TSPEAR: variants seen among roughly 807,000 people sequenced by gnomAD.
TSPEAR encodes thrombospondin-type laminin G domain and EAR repeat-containing protein.
A neutral mutation model predicts 71.6 loss-of-function variants in TSPEAR; 69 were observed. The observed-to-expected ratio is 0.96, with a 90% confidence interval of 0.79 to 1.18. TSPEAR has a LOEUF of 1.18. Ranked by LOEUF, TSPEAR falls within the 50% of genes most tolerant of loss-of-function variation. The probability of loss-of-function intolerance (pLI) is 0.00; values close to 1 mark genes in which losing one functional copy is unlikely to be tolerated. For synonymous variants in TSPEAR, 402 were observed against 387.2 expected (o/e 1.04, Z -0.45); for missense variants, 971 against 894.9 (o/e 1.09, Z -1.09).
In TSPEAR at chr21:44,517,789, T is replaced by C. The variant is rs1410018723; in HGVS notation, c.1566+4094A>G. ...CCTCCTACCTCCTGATATCCAGGGC[T>C]GCCGATGGGAAATCCCAGGCTGCCG... is the stretch of plus-strand genomic sequence containing the variant. On this transcript the variant is annotated intron_variant, in intron 9 of 11. Transcript: ENST00000323084. 9 of 471,122 alleles carry C rather than the reference T, an allele frequency of 1.9e-5. No homozygotes were observed. In the Admixed American group the frequency reaches 2.1e-4, roughly 11 times the overall value. The allele number at this position is 471,122 out of a possible 1,614,324, so 29.2% of individuals were successfully genotyped here.
intron 2 of TSPEAR, chr21:44,540,283 C>T: frequency 7.0e-7 from 1 of 1,438,688 alleles, no homozygotes; most frequent in Non-Finnish European, 9.4e-7. Flanking sequence ...CCCTTCTGGC[C>T]TTGTTGTTCC....
rs775713559 is a variant in TSPEAR at position 44,572,352 on chromosome 21, C to T, written c.83-4347G>A. 1.1e-4 allele frequency among the ~76,000 whole-genome samples: 17 copies of T among 152,298 alleles called. 1 individual carries two copies. Among genetic ancestry groups the T allele is most frequent in the Admixed American group, 5.2e-4 (8 of 15,298 alleles). On this transcript the variant is annotated intron_variant, in intron 1 of 11. Transcript: ENST00000323084. ...TCCTGGCTGAGAAGAAACAGAGCAGCGCTGCTTTCTCAGAGCTGGGAACCA... is the reference window on the plus strand; with the variant it reads ...TCCTGGCTGAGAAGAAACAGAGCAGTGCTGCTTTCTCAGAGCTGGGAACCA...
rs1381074249 is a variant in TSPEAR, at chr21:44,520,878, G to A, written c.1566+1005C>T. On this transcript the variant is annotated intron_variant, in intron 9 of 11. Coordinates refer to ENST00000323084, the MANE Select transcript of TSPEAR (RefSeq NM_144991.3). This position sits in a 1 kb window ranked among gnomAD's most constrained non-coding sequence, Gnocchi z 4.2. The stretch of plus-strand genomic sequence containing the variant: ...AGGGGTAGCCTGGCAAGGCCTGACT[G>A]TTGTCACTGTTTTTCCAGACTCCCT... 2 of 152,332 alleles carry A rather than the reference G, an allele frequency of 1.3e-5. No individual in the cohort carries two copies. The highest frequency in any genetic ancestry group is 2.4e-5 in the African/African-American group (1 of 41,470). The allele number at this position is 152,332 out of a possible 1,614,324, so 9.4% of individuals were successfully genotyped here. A position where few individuals can be genotyped will look rare whatever the true frequency, so the allele number is the denominator to read the frequency against.
At position 44,681,705 on chromosome 21, in the gene TSPEAR, A is replaced by C. The variant is rs1601560341; in HGVS notation, c.82+29728T>G. The stretch of plus-strand genomic sequence containing the variant: ...TCATTCTATTATATTCTCGATCCAG[A>C]ATTCAGAGGGTTCACTGAGCATGCT... On this transcript the variant is annotated intron_variant, in intron 1 of 11. Transcript: ENST00000323084. The C allele has an allele frequency of 3.2e-6, 4 of 1,245,744 alleles. No homozygotes were observed. In the East Asian group the frequency reaches 9.4e-5, roughly 29 times the overall value. The allele number at this position is 1,245,744 out of a possible 1,614,324, so 77.2% of individuals were successfully genotyped here.
intron 1 of TSPEAR, among the ~76,000 whole-genome samples, chr21:44,669,251 C>T (rs113694163): frequency 2.2e-4 from 34 of 152,194 alleles, no homozygotes; most frequent in African/African-American, 6.5e-4. Context: ...GGTGCAACCC[C>T]GCCTCTACTA....
rs1244280588 is a variant in TSPEAR at position 44,632,375 on chromosome 21, GA to G, written c.83-64371del. ...GAAAGAGAAAAAAACTGTCCACCAA[GA>G]AGTCTGTGTCCAATGAAATGATTCT... On this transcript the variant is annotated intron_variant, in intron 1 of 11. Transcript: ENST00000323084. Among the ~76,000 whole-genome samples, 6 of 152,170 alleles carry G rather than the reference GA, an allele frequency of 3.9e-5. No individual in the cohort carries two copies. The East Asian group carries it at 1.2e-3, about 29-fold the overall frequency.
chr21:44,542,040 G>A (rs1555917284), intron 2 of TSPEAR, among the ~76,000 whole-genome samples: 1 of 152,212 alleles, frequency 6.6e-6, no homozygotes, highest in Non-Finnish European at 1.5e-5. Context: ...TATTAGAATT[G>A]TGAAACTGGA....
chr21:44,514,356 G>A (rs1021808387), intron 9 of TSPEAR, among the ~76,000 whole-genome samples: 4 of 152,188 alleles, frequency 2.6e-5, no homozygotes, highest in African/African-American at 7.2e-5. Flanking sequence ...CCATGGCCAT[G>A]GAAGCGAGTA....
Position 44,514,416 on chromosome 21 carries a change from G to A in TSPEAR, c.1567-5030C>T, listed in dbSNP as rs368882877. Among the ~76,000 whole-genome samples the A allele has an allele frequency of 1.4e-4, 21 of 152,176 alleles. No individual in the cohort carries two copies. In the East Asian group the frequency reaches 1.5e-3, roughly 11 times the overall value. ...TGTACATGTGTGTTGAGCCATGGGC[G>A]GGACCCTTGGGAAGTGTGTGGCACC... On this transcript the variant is annotated intron_variant, in intron 9 of 11. Coordinates refer to ENST00000323084, the MANE Select transcript of TSPEAR (RefSeq NM_144991.3).
chr21:44,672,480 A>G (rs1569251347), intron 1 of TSPEAR, among the ~76,000 whole-genome samples: 1 of 152,148 alleles, frequency 6.6e-6, no homozygotes, highest in South Asian at 2.1e-4. Context: ...TGAGACAGGA[A>G]AATGGCGTGA....
intron 1 of TSPEAR, chr21:44,654,095 T>C: frequency 3.3e-6 from 2 of 610,520 alleles, no homozygotes; most frequent in Non-Finnish European, 5.9e-6. Flanking sequence ...CAGGAGAAAC[T>C]GTGTAGAAAG....
chr21:44,675,751 A>G, intron 1 of TSPEAR: 1 of 487,372 alleles, frequency 2.1e-6, no homozygotes, highest in Non-Finnish European at 3.7e-6. Context: ...CATTTAGAAC[A>G]GTACTTGTAA....
At chr21:44,624,802 G>C (rs587733113) in intron 1 of TSPEAR, among the ~76,000 whole-genome samples, 2 of 152,314 alleles carry the variant, frequency 1.3e-5, no homozygotes, top group East Asian at 1.9e-4. Flanking sequence ...TGTAGTCTGT[G>C]AATCAGTAAA....
chr21:44,548,836 C>CAGCAA (rs2053348437), intron 2 of TSPEAR, among the ~76,000 whole-genome samples: 1 of 152,194 alleles, frequency 6.6e-6, no homozygotes, highest in Admixed American at 6.5e-5. Context: ...CATGAACACT[C>CAGCAA]TGCACCAGCA....
In TSPEAR at chr21:44,509,405, A is replaced by AGGTGCAGAGGTGTGGGGGAGCG. The variant is rs782254043; in HGVS notation, c.1567-41_1567-20dup. 2 of 1,476,582 alleles carry AGGTGCAGAGGTGTGGGGGAGCG rather than the reference A, an allele frequency of 1.4e-6. No individual in the cohort carries two copies. Among genetic ancestry groups the AGGTGCAGAGGTGTGGGGGAGCG allele is most frequent in the African/African-American group, 1.4e-5 (1 of 69,018 alleles). 91.5% of individuals were successfully genotyped at this position (1,476,582 alleles called of 1,614,324 possible). On this transcript the variant is annotated intron_variant, in intron 9 of 11. Transcript: ENST00000323084. ...CGAACGTCTAGGACCAAAGGAGAGC[A>AGGTGCAGAGGTGTGGGGGAGCG]GGTGCAGAGGTGTGGGGGAGCGGGC... is the stretch of plus-strand genomic sequence containing the variant.
At chr21:44,661,985 T>C (rs1985522061) in intron 1 of TSPEAR, among the ~76,000 whole-genome samples, 1 of 151,976 alleles carries the variant, frequency 6.6e-6, no homozygotes, top group South Asian at 2.1e-4. Context: ...TATATCAAGA[T>C]GTATACAAAA....
rs782698578 is a variant in TSPEAR, at chr21:44,654,144, G to A, written c.82+57289C>T. 3.2e-4 allele frequency: 222 copies of A among 704,572 alleles called. 1 individual carries two copies. The highest frequency in any genetic ancestry group is 1.2e-3 in the Middle Eastern group (3 of 2,450). 43.6% of individuals were successfully genotyped at this position (704,572 alleles called of 1,614,324 possible). A position where few individuals can be genotyped will look rare whatever the true frequency, so the allele number is the denominator to read the frequency against. On this transcript the variant is annotated intron_variant, in intron 1 of 11. Coordinates refer to ENST00000323084, the MANE Select transcript of TSPEAR (RefSeq NM_144991.3). Reference sequence around the variant, plus strand: ...CCGGCTGGGATCTAGTGACGGTGCCGCAAAGGAGGCAGGCGGTCTAGTCAG... The same window carrying A: ...CCGGCTGGGATCTAGTGACGGTGCCACAAAGGAGGCAGGCGGTCTAGTCAG...
chr21:44,523,244 G>GGTCA (rs1555914517), intron 8 of TSPEAR, among the ~76,000 whole-genome samples: 3 of 149,378 alleles, frequency 2.0e-5, no homozygotes, highest in Non-Finnish European at 4.4e-5. Flanking sequence ...TCAGGTAGTT[G>GGTCA]GTCAGTCAGT....
At chr21:44,646,988 C>T (rs1984449909) in intron 1 of TSPEAR, 1 of 1,613,668 alleles carries the variant, frequency 6.2e-7, no homozygotes, top group Non-Finnish European at 8.5e-7. Context: ...TGCCAGCCAG[C>T]TTGCTGCACC....
Sources: gnomAD v4.1 joint callset for allele counts (sites outside exome capture counted in the v4.1 genomes callset) on GRCh38, gnomAD v4.1.1 for gene constraint, Gnocchi (gnomAD v3.1) non-coding constraint, MANE v1.5 for transcripts, NCBI Gene and HGNC (gene_info 2026-07-23, HGNC 2026-07-21) for gene names.